Variants in THSD4 observed in about 807,000 individuals in gnomAD.
THSD4 encodes the protein thrombospondin type-1 domain-containing protein 4.
Under a neutral mutation model 119.0 loss-of-function variants are expected in THSD4, and 69 were observed. That is an observed-to-expected ratio of 0.58 (90% CI 0.48 to 0.71). The LOEUF is 0.71. Ranked by LOEUF, THSD4 falls within the 30% of genes least tolerant of loss-of-function variation. THSD4 has a pLI of 0.00. For synonymous variants in THSD4, 524 were observed against 540.4 expected (o/e 0.97, Z 0.42); for missense variants, 1,393 against 1,391.1 (o/e 1.00, Z -0.02).
At chr15:71,418,814 G>C (rs1241661335) in intron 7 of THSD4, among the ~76,000 whole-genome samples, 1 of 108,790 alleles carries the variant, frequency 9.2e-6, no homozygotes, top group African/African-American at 3.1e-5. Context: ...ATCTTCTTTA[G>C]TGGGAGACTT....
chr15:71,136,467 G>A (rs569158837), intron 1 of THSD4, among the ~76,000 whole-genome samples: 55 of 152,276 alleles, frequency 3.6e-4, no homozygotes, highest in African/African-American at 1.2e-3. Context: ...ACCCTCAGAG[G>A]CAGCTTTCCT....
intron 7 of THSD4, among the ~76,000 whole-genome samples, chr15:71,616,372 T>C (rs2050319152): frequency 6.6e-6 from 1 of 152,200 alleles, no homozygotes; most frequent in African/African-American, 2.4e-5. Context: ...GACTACATCA[T>C]GTTCCATTCT....
chr15:71,725,725 G>A (rs2141121752), intron 8 of THSD4, among the ~76,000 whole-genome samples: 1 of 152,302 alleles, frequency 6.6e-6, no homozygotes, highest in Non-Finnish European at 1.5e-5. Flanking sequence ...TCAATGGAAT[G>A]ATGGAGGCAG....
At chr15:71,492,418 C>T (rs915570533) in intron 7 of THSD4, among the ~76,000 whole-genome samples, 4 of 150,516 alleles carry the variant, frequency 2.7e-5, no homozygotes, top group African/African-American at 9.9e-5. Context: ...GTGCGCACCA[C>T]CATGCCCATC....
At chr15:71,235,999 C>T (rs577858094) in intron 4 of THSD4, among the ~76,000 whole-genome samples, 14 of 152,114 alleles carry the variant, frequency 9.2e-5, no homozygotes, top group East Asian at 3.9e-4. Flanking sequence ...TATCTGCCTT[C>T]GTGGAGTTCC....
chr15:71,622,494 C>A (rs1314250822), intron 7 of THSD4, among the ~76,000 whole-genome samples: 1 of 152,202 alleles, frequency 6.6e-6, no homozygotes, highest in Non-Finnish European at 1.5e-5. Flanking sequence ...CCAGTTGACT[C>A]CTTTTTGACA....
chr15:71,420,144 A>T (rs531345534), intron 7 of THSD4, among the ~76,000 whole-genome samples: 1 of 108,024 alleles, frequency 9.3e-6, no homozygotes, highest in Non-Finnish European at 2.0e-5. Flanking sequence ...TTTGCTTTAT[A>T]TATCTGGGTA....
intron 7 of THSD4, among the ~76,000 whole-genome samples, chr15:71,474,040 C>T (rs946437768): frequency 1.3e-5 from 2 of 152,128 alleles, no homozygotes; most frequent in Non-Finnish European, 2.9e-5. Flanking sequence ...ATACCTGGAA[C>T]CCTATGACCT....
intron 1 of THSD4, among the ~76,000 whole-genome samples, chr15:71,101,556 T>G (rs1182847853): frequency 1.3e-5 from 2 of 152,224 alleles, no homozygotes; most frequent in Non-Finnish European, 2.9e-5. Context: ...TCGATTTAAT[T>G]TCCTTGTAGT....
chr15:71,700,121 G>T (rs2052254741), intron 8 of THSD4, among the ~76,000 whole-genome samples: 1 of 151,862 alleles, frequency 6.6e-6, no homozygotes, highest in Non-Finnish European at 1.5e-5. Context: ...AATAAATGAG[G>T]TATAAAGATT....
chr15:71,214,169 C>A lies in THSD4; in HGVS notation c.100-866C>A, dbSNP rs144424022. 7.6e-5 allele frequency among the ~76,000 whole-genome samples: 11 copies of A among 144,640 alleles called. 1 individual carries two copies. The highest frequency in any genetic ancestry group is 7.4e-4 in the Admixed American group (11 of 14,850). The allele number at this position is 144,640 out of a possible 152,430, so 94.9% of individuals were successfully genotyped here. ...CCAATCAGCACTCTGTAAAATGGAC[C>A]GATCAGCACTCTGTAAAATGGACCA... On this transcript the variant is annotated intron_variant, in intron 3 of 17. Transcript: ENST00000261862.
chr15:71,535,164 A>G (rs2048671959), intron 7 of THSD4, among the ~76,000 whole-genome samples: 1 of 152,216 alleles, frequency 6.6e-6, no homozygotes, highest in Non-Finnish European at 1.5e-5. Context: ...CTGTGAAACA[A>G]CTAATCTACT....
intron 7 of THSD4, among the ~76,000 whole-genome samples, chr15:71,590,197 A>G (rs970662503): frequency 7.2e-6 from 1 of 138,246 alleles, no homozygotes; most frequent in Non-Finnish European, 1.6e-5. Context: ...TTGTGGTGTC[A>G]TTCCCTATCT....
At chr15:71,402,229 TA>T (rs200508757) in intron 6 of THSD4, among the ~76,000 whole-genome samples, 37 of 145,832 alleles carry the variant, frequency 2.5e-4, no homozygotes, top group African/African-American at 3.0e-4. Context: ...GTATAATAAT[TA>T]AAAAAAAAAA....
chr15:71,745,700 A>G (rs1358905803), intron 12 of THSD4, among the ~76,000 whole-genome samples: 1 of 152,194 alleles, frequency 6.6e-6, no homozygotes, highest in Non-Finnish European at 1.5e-5. Context: ...TGCCCAGGCC[A>G]GATTGCAGTG....
intron 3 of THSD4, among the ~76,000 whole-genome samples, chr15:71,171,388 C>T (rs1005292611): frequency 6.6e-6 from 1 of 152,076 alleles, no homozygotes. Context: ...CTTTAAAGTA[C>T]TAAAAGAATA....
At chr15:71,259,587 A>G (rs927070138) in intron 6 of THSD4, among the ~76,000 whole-genome samples, 1 of 152,188 alleles carries the variant, frequency 6.6e-6, no homozygotes, top group Non-Finnish European at 1.5e-5. Context: ...TGTCCAGCAC[A>G]GTGGTTCTCA....
At chr15:71,758,389 A>G (rs938708413) in intron 15 of THSD4, among the ~76,000 whole-genome samples, 4 of 152,214 alleles carry the variant, frequency 2.6e-5, no homozygotes, top group Non-Finnish European at 5.9e-5. Flanking sequence ...ATGGTACCTT[A>G]TGAGGTTATT....
intron 3 of THSD4, among the ~76,000 whole-genome samples, chr15:71,192,440 G>T (rs142672139): frequency 6.6e-6 from 1 of 151,660 alleles, no homozygotes; most frequent in East Asian, 1.9e-4. Context: ...GCGCCAACAC[G>T]CCTGGATAAT....
Sources: gnomAD v4.1 joint callset for allele counts (sites outside exome capture counted in the v4.1 genomes callset) on GRCh38, gnomAD v4.1.1 for gene constraint, MANE v1.5 for transcripts, NCBI Gene and HGNC (gene_info 2026-07-23, HGNC 2026-07-21) for gene names.